Variants in RIOK3 observed in about 807,000 individuals in gnomAD.
RIOK3 encodes RIO kinase 3.
In RIOK3, 40 loss-of-function variants were observed where a neutral mutation model predicts 63.5. The observed-to-expected ratio is 0.63, with a 90% CI of 0.49 to 0.82. The LOEUF (loss-of-function observed/expected upper bound fraction) is 0.82, where lower values mean the gene tolerates loss of function less well. Among genes scored for constraint, RIOK3 ranks in the 40% least tolerant of loss-of-function variants. RIOK3 has a pLI of 0.00. For synonymous variants in RIOK3, 193 were observed against 205.0 expected (o/e 0.94, Z 0.50); for missense variants, 557 against 637.0 (o/e 0.87, Z 1.35).
At chr18:23,467,206 C>T (rs746020275) in intron 6 of RIOK3, among the ~76,000 whole-genome samples, 193 bp from the exon 7 acceptor site, 34 of 151,786 alleles carry the variant, frequency 2.2e-4, no homozygotes, top group Non-Finnish European at 4.0e-4. Flanking sequence ...CCCAGCTACT[C>T]GGGAGGCTGA....
rs1234292010 is a variant in RIOK3 at position 23,481,898 on chromosome 18, T to C, written c.*619T>C. 2.0e-5 allele frequency: 3 copies of C among 152,236 alleles called. No individual in the cohort carries two copies. The East Asian group carries it at 5.8e-4, about 29-fold the overall frequency. The allele number at this position is 152,236 out of a possible 1,614,324, so 9.4% of individuals were successfully genotyped here. Reference sequence around the variant, plus strand: ...GAACAGAATTCTTTTTCCATACTTATATCTAAGAAAAGGCATCATAGGTTT... The same window carrying C: ...GAACAGAATTCTTTTTCCATACTTACATCTAAGAAAAGGCATCATAGGTTT... On this transcript the variant is annotated 3_prime_UTR_variant, in exon 13 of 13. Coordinates refer to ENST00000339486, the MANE Select transcript of RIOK3 (RefSeq NM_003831.5).
At chr18:23,479,609 G>A (rs555241916) in intron 12 of RIOK3, among the ~76,000 whole-genome samples, 185 bp downstream of exon 12, 5 of 151,364 alleles carry the variant, frequency 3.3e-5, no homozygotes, top group Admixed American at 6.6e-5. Flanking sequence ...TGGAGTCTTG[G>A]TTTGTCACTC....
chr18:23,455,102 C>T (rs554347080), intron 1 of RIOK3, among the ~76,000 whole-genome samples: 2 of 151,822 alleles, frequency 1.3e-5, no homozygotes, highest in South Asian at 2.1e-4. Flanking sequence ...GACGGAGTCT[C>T]GCCCTATCGC....
At chr18:23,465,124 T>C (rs1384127048) in intron 5 of RIOK3, among the ~76,000 whole-genome samples, 1 of 152,204 alleles carries the variant, frequency 6.6e-6, no homozygotes, top group Non-Finnish European at 1.5e-5. Context: ...GTAATCCCAG[T>C]ATTTTGGGAT....
At position 23,481,301 on chromosome 18, in the gene RIOK3, T is replaced by C. The variant is rs1387570836; in HGVS notation, c.*22T>C. On this transcript the variant is annotated 3_prime_UTR_variant, in exon 13 of 13. Coordinates refer to ENST00000339486, the MANE Select transcript of RIOK3 (RefSeq NM_003831.5). Reference sequence around the variant, plus strand: ...ATAGCACTAATACCCACTGCTTCAGTGTTAACACAGCAGTGATTGTCAGCT... The same window carrying C: ...ATAGCACTAATACCCACTGCTTCAGCGTTAACACAGCAGTGATTGTCAGCT... The C allele has an allele frequency of 7.1e-7, 1 of 1,407,472 alleles. No individual in the cohort carries two copies. The highest frequency in any genetic ancestry group is 2.3e-5 in the East Asian group (1 of 42,696). 87.2% of individuals were successfully genotyped at this position (1,407,472 alleles called of 1,614,324 possible). A position where few individuals can be genotyped will look rare whatever the true frequency, so the allele number is the denominator to read the frequency against.
chr18:23,478,635 ATATATATAT>A, intron 11 of RIOK3, among the ~76,000 whole-genome samples: 1 of 15,030 alleles, frequency 6.7e-5, no homozygotes, highest in South Asian at 3.6e-3. Context: ...ATATATATAT[ATATATATAT>A]ATATATATAT....
intron 1 of RIOK3, among the ~76,000 whole-genome samples, chr18:23,462,142 A>ATTTTTTT (rs368584198): frequency 8.9e-6 from 1 of 112,850 alleles, no homozygotes; most frequent in African/African-American, 3.5e-5. Flanking sequence ...TGTTCTTGCT[A>ATTTTTTT]TTTTTTTTTT....
chr18:23,479,273 C>G, intron 11 of RIOK3, 44 bp from the exon 12 acceptor site: 1 of 1,251,364 alleles, frequency 8.0e-7, no homozygotes, highest in Non-Finnish European at 1.2e-6. Context: ...TATAAGAGAA[C>G]ATTGCTAATA....
chr18:23,477,383 G>A (rs981070747), intron 11 of RIOK3, 115 bp downstream of exon 11: 6 of 807,216 alleles, frequency 7.4e-6, no homozygotes, highest in Middle Eastern at 2.6e-4. Context: ...GAAGGGATAC[G>A]GGCTGCTTTC....
chr18:23,461,056 G>A (rs1340222225), intron 1 of RIOK3, among the ~76,000 whole-genome samples: 1 of 152,142 alleles, frequency 6.6e-6, no homozygotes, highest in Non-Finnish European at 1.5e-5. Context: ...ATTCACTCAG[G>A]CATAAATATA....
At chr18:23,468,392 T>C (rs1166425209) in intron 7 of RIOK3, among the ~76,000 whole-genome samples, 3 of 139,076 alleles carry the variant, frequency 2.2e-5, no homozygotes, top group African/African-American at 8.0e-5. Context: ...AACCTCCATC[T>C]CCTGAGTTCA....
intron 7 of RIOK3, among the ~76,000 whole-genome samples, chr18:23,470,196 CTA>C (rs2057447006): frequency 6.6e-6 from 1 of 152,014 alleles, no homozygotes; most frequent in Admixed American, 6.6e-5. Context: ...AACTCCGTCT[CTA>C]CTAAAAAATA....
chr18:23,470,371 A>G (rs1329626426), intron 7 of RIOK3, among the ~76,000 whole-genome samples: 2 of 152,254 alleles, frequency 1.3e-5, no homozygotes, highest in East Asian at 3.9e-4. Flanking sequence ...TCTCAAAAAA[A>G]AAAAAAATCC....
rs1451482208 is a variant in RIOK3, at chr18:23,482,601, C to T, written c.*1322C>T. The T allele has an allele frequency of 6.6e-6, 1 of 151,798 alleles. No individual in the cohort carries two copies. The allele number at this position is 151,798 out of a possible 1,614,324, so 9.4% of individuals were successfully genotyped here. A position where few individuals can be genotyped will look rare whatever the true frequency, so the allele number is the denominator to read the frequency against. The stretch of plus-strand genomic sequence containing the variant: ...TACTCTTAGTAGTTTTTAGTACGTG[C>T]TGGACACCACTTTTAAAAAGCAATC... On this transcript the variant is annotated 3_prime_UTR_variant, in exon 13 of 13. Transcript: ENST00000339486.
intron 11 of RIOK3, 96 bp downstream of exon 11, chr18:23,477,364 A>C: frequency 1.1e-6 from 1 of 932,078 alleles, no homozygotes; most frequent in Non-Finnish European, 1.8e-6. Context: ...ATATTCTTAG[A>C]AATTGAAGGA....
intron 8 of RIOK3, among the ~76,000 whole-genome samples, chr18:23,474,202 A>G (rs2057474469): frequency 6.6e-6 from 1 of 152,066 alleles, no homozygotes; most frequent in South Asian, 2.1e-4. Flanking sequence ...AATTATTCAT[A>G]TATATCAGTT....
intron 1 of RIOK3, among the ~76,000 whole-genome samples, chr18:23,453,795 C>T (rs2057320417): frequency 6.6e-6 from 1 of 152,232 alleles, no homozygotes; most frequent in African/African-American, 2.4e-5. Context: ...CTGGCTTACA[C>T]ACCCTGATGA....
At chr18:23,457,216 A>G (rs1200473689) in intron 1 of RIOK3, among the ~76,000 whole-genome samples, 1 of 152,214 alleles carries the variant, frequency 6.6e-6, no homozygotes, top group Admixed American at 6.5e-5. Context: ...ACTATTATGG[A>G]CAAAGAATTT....
At chr18:23,457,213 T>C (rs1041200442) in intron 1 of RIOK3, among the ~76,000 whole-genome samples, 1 of 152,170 alleles carries the variant, frequency 6.6e-6, no homozygotes, top group African/African-American at 2.4e-5. Context: ...ACTACTATTA[T>C]GGACAAAGAA....
Sources: allele counts gnomAD v4.1 joint callset (sites outside exome capture counted in the v4.1 genomes callset), GRCh38; gene constraint gnomAD v4.1.1; transcripts MANE v1.5; gene names NCBI Gene and HGNC (gene_info 2026-07-23, HGNC 2026-07-21).